Variants in PERM1 observed in about 807,000 individuals in gnomAD.
PERM1 encodes PGC-1 and ERR-induced regulator in muscle protein 1.
Under a neutral mutation model 44.1 loss-of-function variants are expected in PERM1, and 45 were observed. The ratio of observed to expected loss-of-function variants is 1.02; its 90% confidence interval spans 0.80 to 1.31. The LOEUF (loss-of-function observed/expected upper bound fraction) is 1.31, where lower values mean the gene tolerates loss of function less well. Ranked by LOEUF, PERM1 falls within the 50% of genes most tolerant of loss-of-function variation. The pLI is 0.00. For missense variants in PERM1, 1,189 were observed against 1,106.9 expected, an observed-to-expected ratio of 1.07 and a Z score of -1.05; for synonymous variants, 565 against 477.1, an observed-to-expected ratio of 1.18 and a Z score of -2.40.
chr1:978,807 C>G (rs1207306198), intron 1 of PERM1, 74 bp downstream of exon 2: 3 of 1,352,276 alleles, frequency 2.2e-6, no homozygotes, highest in Admixed American at 3.1e-5. Flanking sequence ...CCCCTGCGGC[C>G]CCCTGCTTGG....
intron 1 of PERM1, among the ~76,000 whole-genome samples, chr1:978,428 C>T (rs1329752405): frequency 6.6e-6 from 1 of 152,202 alleles, no homozygotes; most frequent in Non-Finnish European, 1.5e-5. Context: ...GGAGTCACAT[C>T]GCCCCCGTGC....
chr1:979,416 G>T, exon 1 of PERM1: 1 of 1,524,664 alleles, frequency 6.6e-7, no homozygotes, highest in Non-Finnish European at 8.8e-7. Context: ...CCCAGGCTCC[G>T]GGCCCCCCGT....
intron 2 of PERM1, 105 bp from the exon 4 acceptor site, chr1:976,374 C>T: frequency 6.7e-7 from 1 of 1,493,986 alleles, no homozygotes; most frequent in East Asian, 2.5e-5. Flanking sequence ...GCGGCCAGGG[C>T]CGCAGCTCAG....
chr1:975,989 A>G, exon 3 of PERM1: 1 of 601,492 alleles, frequency 1.7e-6, no homozygotes, highest in Non-Finnish European at 2.8e-6. Context: ...AGGCGTGGGG[A>G]GTGGCCGTGG....
chr1:981,780 G>A (rs1043407349), upstream of PERM1, among the ~76,000 whole-genome samples: 3 of 152,246 alleles, frequency 2.0e-5, no homozygotes, highest in African/African-American at 7.2e-5. Context: ...GGCCTGCCCG[G>A]CTGCCCGGGG....
Position 976,623 on chromosome 1 carries a change from C to A in PERM1, c.2151G>T (p.Gly717=), listed in dbSNP as rs1403053172. ...ATGATGGGACAGGCCCCCGGAGCTCCCCTAGGACAGAAGCTCACCTTCAGC... is the reference window on the plus strand; with the variant it reads ...ATGATGGGACAGGCCCCCGGAGCTCACCTAGGACAGAAGCTCACCTTCAGC... Residue 717 remains glycine, a splice_region_variant and synonymous_variant, in exon 2 of 3, where the codon GGG becomes GGT. Transcript: ENST00000433179. 6.5e-6 allele frequency: 10 copies of A among 1,549,036 alleles called. No homozygotes were observed. The African/African-American group carries it at 1.4e-4, about 21-fold the overall frequency.
chr1:976,571 G>C (rs1383214707), exon 2 of PERM1: 4 of 1,549,580 alleles, frequency 2.6e-6, no homozygotes, highest in African/African-American at 1.4e-5. Flanking sequence ...ACAAACACCA[G>C]GCACATGTCA....
intron 1 of PERM1, among the ~76,000 whole-genome samples, chr1:978,388 C>G (rs1180857316): frequency 6.6e-6 from 1 of 152,170 alleles, no homozygotes; most frequent in Non-Finnish European, 1.5e-5. Flanking sequence ...CCGCCTGCCC[C>G]GGGAACCGCC....
exon 3 of PERM1, chr1:975,998 G>T (rs986880492): frequency 2.8e-5 from 18 of 644,452 alleles, no homozygotes; most frequent in Non-Finnish European, 4.6e-5. Context: ...GAGTGGCCGT[G>T]GTCACTGGCT....
At chr1:980,231 C>G (rs1171606200) in exon 1 of PERM1, 2 of 1,550,398 alleles carry the variant, frequency 1.3e-6, no homozygotes, top group East Asian at 2.4e-5. Context: ...CTGATTTGGT[C>G]TGTGCCTTGC....
chr1:976,464 T>C (rs1377135729), intron 2 of PERM1, 35 bp downstream of exon 3: 5 of 1,549,198 alleles, frequency 3.2e-6, no homozygotes, highest in Non-Finnish European at 4.4e-6. Flanking sequence ...GTCTGGCTTC[T>C]AGGCGCAGCT....
exon 1 of PERM1, chr1:980,590 G>A: frequency 6.9e-7 from 1 of 1,453,262 alleles, no homozygotes; most frequent in Non-Finnish European, 9.1e-7. Flanking sequence ...AGGGGGCCGT[G>A]GGGCAGGGCC....
At chr1:980,138 T>C in exon 1 of PERM1, 1 of 1,550,370 alleles carries the variant, frequency 6.5e-7, no homozygotes, top group Non-Finnish European at 8.7e-7. Context: ...GACACAGCCA[T>C]GTCTGACTTA....
At chr1:981,245 G>A (rs1207566425), upstream of PERM1, 40 of 1,473,274 alleles carry the variant, frequency 2.7e-5, no homozygotes, top group South Asian at 1.8e-4. Flanking sequence ...CGATTTCCAA[G>A]TTAGAAGATC....
At position 976,482 on chromosome 1, in the gene PERM1, C is replaced by T. The variant is rs1318757676; in HGVS notation, c.2275+17G>A. The T allele has an allele frequency of 1.3e-6, 2 of 1,549,330 alleles. No homozygotes were observed. Among genetic ancestry groups the T allele is most frequent in the East Asian group, 2.4e-5 (1 of 40,926 alleles). On this transcript the variant is annotated intron_variant, in intron 2 of 2. Transcript: ENST00000433179. ...TGGCTTCTAGGCGCAGCTCCCTCTG[C>T]CCCCAGGCACCCAAACCTGTTTTCC...
chr1:979,395 A>G (rs746261959), exon 1 of PERM1: 2 of 1,510,054 alleles, frequency 1.3e-6, no homozygotes, highest in South Asian at 2.6e-5. Context: ...GGGGCCCGAC[A>G]GCCACAGCCT....
chr1:979,039 A>AAGAAG lies in PERM1; in HGVS notation c.1986_1990dup (p.Phe664SerfsTer45). The stretch of plus-strand genomic sequence containing the variant: ...GCCCTCAAGCCTGTCCTCCCCGAAG[A>AAGAAG]AGAAGTGTTCATAGACCTCAGGGAT... On this transcript the variant is annotated frameshift_variant, in exon 1 of 3. Coordinates refer to ENST00000433179, the Ensembl canonical transcript of PERM1. LOFTEE classifies it high-confidence loss of function. The AAGAAG allele has an allele frequency of 6.5e-7, 1 of 1,541,104 alleles. No individual in the cohort carries two copies. The highest frequency in any genetic ancestry group is 8.8e-7 in the Non-Finnish European group (1 of 1,140,838).
chr1:976,273 C>T lies in PERM1; in HGVS notation c.2276-4G>A, dbSNP rs1439478538. The T allele has an allele frequency of 1.3e-6, 2 of 1,510,314 alleles. No homozygotes were observed. The highest frequency in any genetic ancestry group is 4.5e-5 in the Admixed American group (2 of 44,224). The allele number at this position is 1,510,314 out of a possible 1,614,324, so 93.6% of individuals were successfully genotyped here. ...GTGCCGACGTTGGCCAGCAAGGCTG[C>T]AAGAGAAGCACAGGCTCTTCTGAGG... On this transcript the variant is annotated splice_region_variant and splice_polypyrimidine_tract_variant and intron_variant, in intron 2 of 2. Transcript: ENST00000433179.
At chr1:980,419 G>A (rs1392521923) in exon 1 of PERM1, 13 of 1,549,174 alleles carry the variant, frequency 8.4e-6, no homozygotes, top group Admixed American at 7.9e-5. Flanking sequence ...CGGGGAGCCC[G>A]TCTGGGCAGA....
Sources: gnomAD v4.1 joint callset for allele counts (sites outside exome capture counted in the v4.1 genomes callset) on GRCh38, gnomAD v4.1.1 for gene constraint, MANE v1.5 for transcripts, NCBI Gene and HGNC (gene_info 2026-07-23, HGNC 2026-07-21) for gene names.